The following CRACD variants were observed in gnomAD, a reference collection of about 807,000 sequenced individuals.
CRACD encodes capping protein inhibiting regulator of actin dynamics.
Under a neutral mutation model 106.8 loss-of-function variants are expected in CRACD, and 56 were observed. The observed-to-expected ratio is 0.52, with a 90% confidence interval of 0.42 to 0.66. The LOEUF (loss-of-function observed/expected upper bound fraction) is 0.66. Ranked by LOEUF, CRACD falls within the 30% of genes least tolerant of loss-of-function variation. The pLI, the probability that CRACD is intolerant of heterozygous loss-of-function variation, is 0.00. For synonymous variants in CRACD, 754 were observed against 670.8 expected (o/e 1.12, Z -1.92); for missense variants, 1,730 against 1,623.2 (o/e 1.07, Z -1.13).
At chr4:56,089,802 C>T (rs1052085952) in intron 1 of CRACD, among the ~76,000 whole-genome samples, 2 of 152,188 alleles carry the variant, frequency 1.3e-5, no homozygotes, top group South Asian at 2.1e-4. Flanking sequence ...CATGAGCCAC[C>T]GTGCCTGGCT....
chr4:56,078,793 A>G (rs529754266), intron 1 of CRACD, among the ~76,000 whole-genome samples: 39 of 152,282 alleles, frequency 2.6e-4, no homozygotes, highest in African/African-American at 9.1e-4. Flanking sequence ...GGAGATCAGG[A>G]TATGCCTGGT....
chr4:56,172,659 C>G (rs951898997), intron 1 of CRACD, among the ~76,000 whole-genome samples: 5 of 151,622 alleles, frequency 3.3e-5, no homozygotes, highest in African/African-American at 1.2e-4. Flanking sequence ...GCATCTTGCT[C>G]TGTCACCAGG....
At chr4:56,055,411 G>A (rs1228392377) in intron 1 of CRACD, among the ~76,000 whole-genome samples, 1 of 151,120 alleles carries the variant, frequency 6.6e-6, no homozygotes, top group Non-Finnish European at 1.5e-5. Context: ...AAAAAGGAGA[G>A]GCCATAGTCC....
At chr4:56,159,562 G>T (rs533072727) in intron 1 of CRACD, among the ~76,000 whole-genome samples, 1 of 152,212 alleles carries the variant, frequency 6.6e-6, no homozygotes, top group South Asian at 2.1e-4. Context: ...TGAGGTGGGA[G>T]AATGGCATGA....
intron 10 of CRACD, among the ~76,000 whole-genome samples, chr4:56,327,137 T>C (rs6857561): frequency 0.32 from 48,094 of 152,146 alleles, 8,966 homozygotes; most frequent in Non-Finnish European, 0.43. Context: ...CTTCTTTATA[T>C]AGATTAGGCT....
intron 8 of CRACD, among the ~76,000 whole-genome samples, chr4:56,320,321 A>G (rs935790878): frequency 3.9e-5 from 6 of 152,034 alleles, no homozygotes; most frequent in Non-Finnish European, 8.8e-5. Flanking sequence ...TGAGGAGGCA[A>G]CTCAGGTGGA....
chr4:56,316,368 C>T lies in CRACD; in HGVS notation c.2866C>T (p.Pro956Ser), dbSNP rs758298598. The change falls in exon 8 of 11, where the codon CCA (proline) becomes TCA (serine). Residue 956 changes from proline (P) to serine (S), a missense_variant. Transcript: ENST00000682029. ...PEHDKAANKM[P>S]LAQKPALAPK... is the part of the protein sequence containing the mutation. The stretch of plus-strand genomic sequence containing the variant: ...GCACGACAAGGCAGCAAACAAAATG[C>T]CACTGGCACAAAAGCCAGCACTGGC... 2 of 1,614,138 alleles carry T rather than the reference C, an allele frequency of 1.2e-6. No individual in the cohort carries two copies. Among genetic ancestry groups the T allele is most frequent in the Non-Finnish European group, 1.7e-6 (2 of 1,179,956 alleles).
At chr4:56,170,604 G>C (rs575838829) in intron 1 of CRACD, among the ~76,000 whole-genome samples, 24 of 152,274 alleles carry the variant, frequency 1.6e-4, no homozygotes, top group African/African-American at 5.5e-4. Flanking sequence ...ACTTCAGGGA[G>C]GGAGAGAAAG....
chr4:56,127,416 A>AT (rs1225828716), intron 1 of CRACD, among the ~76,000 whole-genome samples: 1 of 152,118 alleles, frequency 6.6e-6, no homozygotes, highest in African/African-American at 2.4e-5. Context: ...AGAGGAGTGC[A>AT]TTTTTTCTTT....
intron 1 of CRACD, among the ~76,000 whole-genome samples, chr4:56,114,678 T>G (rs1277240272): frequency 6.6e-6 from 1 of 152,178 alleles, no homozygotes; most frequent in African/African-American, 2.4e-5. Flanking sequence ...TCAGTTGCTA[T>G]CATTATTAAA....
chr4:56,297,049 A>C (rs1220316776), intron 3 of CRACD, among the ~76,000 whole-genome samples: 1 of 151,554 alleles, frequency 6.6e-6, no homozygotes. Context: ...TCTCCCAAGT[A>C]GCTGGGATTA....
chr4:56,310,671 T>C lies in CRACD; in HGVS notation c.291T>C (p.Ser97=). 1 of 1,609,002 alleles carries C rather than the reference T, an allele frequency of 6.2e-7. No individual in the cohort carries two copies. The highest frequency in any genetic ancestry group is 8.5e-7 in the Non-Finnish European group (1 of 1,175,336). ...ATGCTCTCTTACTGTTCCAGTCCAG[T>C]GATACGCCAAGTTCTCTAAGTCCTC... The part of the protein sequence containing the change: ...IVLSDAENKS[S]DTPSSLSPLN... Residue 97 remains serine, a synonymous_variant, in exon 6 of 11, where the codon AGT becomes AGC. Transcript: ENST00000682029.
chr4:56,310,551 G>C (rs1745079776), intron 5 of CRACD, 115 bp from the exon 6 acceptor site: 1 of 728,870 alleles, frequency 1.4e-6, no homozygotes, highest in Non-Finnish European at 2.4e-6. Context: ...TCTGAGGCCA[G>C]CTGCACCCCT....
chr4:56,184,233 G>A (rs953036220), intron 2 of CRACD, among the ~76,000 whole-genome samples: 1 of 152,160 alleles, frequency 6.6e-6, no homozygotes, highest in Non-Finnish European at 1.5e-5. Context: ...ACCATGCCCA[G>A]TTAATTTTTG....
intron 1 of CRACD, among the ~76,000 whole-genome samples, chr4:56,150,477 A>G (rs1490851688): frequency 1.3e-5 from 2 of 152,132 alleles, no homozygotes; most frequent in Non-Finnish European, 2.9e-5. Flanking sequence ...TGGAGCCACT[A>G]CTCTAGTGGC....
At chr4:56,142,220 T>C (rs1461104513) in intron 1 of CRACD, among the ~76,000 whole-genome samples, 2 of 152,228 alleles carry the variant, frequency 1.3e-5, no homozygotes, top group African/African-American at 2.4e-5. Flanking sequence ...CATTTTGCTT[T>C]CTAATATACC....
At chr4:56,218,787 C>G (rs1045113944) in intron 2 of CRACD, among the ~76,000 whole-genome samples, 1 of 151,964 alleles carries the variant, frequency 6.6e-6, no homozygotes, top group Admixed American at 6.6e-5. Flanking sequence ...AATTTTCTTC[C>G]TATGACTGCA....
chr4:56,327,268 C>T lies in CRACD; in HGVS notation c.3542-376C>T, dbSNP rs531269999. On this transcript the variant is annotated intron_variant, in intron 10 of 10. Coordinates refer to ENST00000682029, the MANE Select transcript of CRACD (RefSeq NM_001393381.1). ...TCACTGAGGGAGTCCAGGAATTTGC[C>T]TCTCTGTGTTTCACTGGGTTTTCTT... 1.4e-4 allele frequency among the ~76,000 whole-genome samples: 21 copies of T among 152,150 alleles called. No individual in the cohort carries two copies. The South Asian group carries it at 4.2e-3, about 30-fold the overall frequency.
intron 2 of CRACD, among the ~76,000 whole-genome samples, chr4:56,202,155 A>G (rs1737908436): frequency 6.6e-6 from 1 of 152,210 alleles, no homozygotes; most frequent in Non-Finnish European, 1.5e-5. Flanking sequence ...TGTGTAGGGA[A>G]ACTGGGGTGG....
Sources: gnomAD v4.1 joint callset for allele counts (sites outside exome capture counted in the v4.1 genomes callset) on GRCh38, gnomAD v4.1.1 for gene constraint, MANE v1.5 for transcripts, NCBI Gene and HGNC (gene_info 2026-07-23, HGNC 2026-07-21) for gene names.